TMCC1: variants seen among roughly 807,000 people sequenced by gnomAD.
TMCC1 encodes the protein transmembrane and coiled-coil domains protein 1.
In TMCC1, 15 loss-of-function variants were observed where a neutral mutation model predicts 52.4. The ratio of observed to expected loss-of-function variants is 0.29; its 90% CI spans 0.19 to 0.44. The LOEUF (loss-of-function observed/expected upper bound fraction) is 0.44. TMCC1 is among the 20% of genes least tolerant of loss of function. The probability of loss-of-function intolerance (pLI) is 1.00; values close to 1 mark genes in which losing one functional copy is unlikely to be tolerated. For synonymous variants in TMCC1, 279 were observed against 301.9 expected (o/e 0.92, Z 0.79); for missense variants, 503 against 806.0 (o/e 0.62, Z 4.55).
chr3:129,711,162 C>T (rs944528276), intron 4 of TMCC1, among the ~76,000 whole-genome samples: 11 of 152,198 alleles, frequency 7.2e-5, no homozygotes, highest in Admixed American at 7.2e-4. Flanking sequence ...CTGCACCAAG[C>T]CATGTTCAAT....
At chr3:129,709,497 A>AAAAAAG (rs554837910) in intron 4 of TMCC1, among the ~76,000 whole-genome samples, 3 of 64,032 alleles carry the variant, frequency 4.7e-5, no homozygotes, top group South Asian at 7.6e-4. Flanking sequence ...AAAAAAAAAA[A>AAAAAAG]AGAGAGAGAG....
At chr3:129,799,287 T>C (rs1005766735) in intron 4 of TMCC1, among the ~76,000 whole-genome samples, 3 of 152,286 alleles carry the variant, frequency 2.0e-5, no homozygotes, top group Admixed American at 6.5e-5. Context: ...ACTTGTATCA[T>C]GCGTTACCTG....
At chr3:129,775,704 AT>A in intron 4 of TMCC1, among the ~76,000 whole-genome samples, 1 of 152,314 alleles carries the variant, frequency 6.6e-6, no homozygotes, top group South Asian at 2.1e-4. Flanking sequence ...CATTCAATCC[AT>A]TACCAAATCC....
At position 129,651,681 on chromosome 3, in the gene TMCC1, T is replaced by G; in HGVS notation, c.1762A>C (p.Lys588Gln). 1 of 1,614,234 alleles carries G rather than the reference T, an allele frequency of 6.2e-7. No individual in the cohort carries two copies. The highest frequency in any genetic ancestry group is 8.5e-7 in the Non-Finnish European group (1 of 1,180,034). ...ACAGCCAGGAGGATGTTGATGAGTT[T>G]GCCCAGAAGGTTCCGGGCAGTGGCA... Reference protein sequence around the residue: ...ENATARNLLGKLINILLAVMA... With the variant: ...ENATARNLLGQLINILLAVMA... The change falls in exon 7 of 7, where the codon AAA becomes CAA. Residue 588 changes from lysine to glutamine, a missense_variant. By Grantham distance (53) the Lys-to-Gln change is moderately conservative. Transcript: ENST00000393238. This position sits in a 1 kb window ranked among gnomAD's most constrained non-coding sequence, Gnocchi z 5.1.
intron 4 of TMCC1, among the ~76,000 whole-genome samples, chr3:129,678,641 T>A (rs902905710): frequency 2.0e-5 from 3 of 152,164 alleles, no homozygotes; most frequent in African/African-American, 7.2e-5. Flanking sequence ...ATTACAGGTG[T>A]GAGCCACCGT....
chr3:129,751,364 T>TA (rs1262529160), intron 4 of TMCC1, among the ~76,000 whole-genome samples: 1 of 151,856 alleles, frequency 6.6e-6, no homozygotes, highest in Middle Eastern at 3.4e-3. Flanking sequence ...ACCTCATCTC[T>TA]AAAAAAAATT....
intron 4 of TMCC1, among the ~76,000 whole-genome samples, chr3:129,694,893 C>G (rs539541616): frequency 6.6e-6 from 1 of 151,662 alleles, no homozygotes; most frequent in Admixed American, 6.6e-5. Flanking sequence ...ATTTCTTGTG[C>G]GAGATCCAAG....
intron 4 of TMCC1, among the ~76,000 whole-genome samples, chr3:129,815,168 A>AT (rs766460551): frequency 6.6e-6 from 1 of 152,170 alleles, no homozygotes; most frequent in Non-Finnish European, 1.5e-5. Context: ...AATCTCAACG[A>AT]TTAAAAAAAA....
At chr3:129,753,777 G>C (rs2052743002) in intron 4 of TMCC1, among the ~76,000 whole-genome samples, 1 of 152,086 alleles carries the variant, frequency 6.6e-6, no homozygotes, top group African/African-American at 2.4e-5. Flanking sequence ...TTTCCCTTGA[G>C]ATCTGGAACA....
At chr3:129,871,966 G>A (rs1055076842) in intron 2 of TMCC1, among the ~76,000 whole-genome samples, 5 of 152,156 alleles carry the variant, frequency 3.3e-5, no homozygotes, top group Admixed American at 6.5e-5. Flanking sequence ...CATCTAAGTT[G>A]TAAAGATAAT....
chr3:129,789,702 G>C (rs7625799), intron 4 of TMCC1, among the ~76,000 whole-genome samples: 1 of 151,846 alleles, frequency 6.6e-6, no homozygotes, highest in South Asian at 2.1e-4. Context: ...GGATGGTCTC[G>C]ATCTCCTGAC....
At chr3:129,766,013 G>A (rs1420978154) in intron 4 of TMCC1, among the ~76,000 whole-genome samples, 1 of 152,070 alleles carries the variant, frequency 6.6e-6, no homozygotes, top group African/African-American at 2.4e-5. Context: ...ATTTGTTTGG[G>A]ACTGTGTTCT....
At chr3:129,818,857 T>C (rs1475843726) in intron 4 of TMCC1, 1 of 152,396 alleles carries the variant, frequency 6.6e-6, no homozygotes, top group Admixed American at 6.6e-5. Context: ...CTGAAGCACA[T>C]GGTATCAGTG....
intron 4 of TMCC1, among the ~76,000 whole-genome samples, chr3:129,780,018 A>C (rs1560402367): frequency 6.6e-6 from 1 of 152,124 alleles, no homozygotes; most frequent in Non-Finnish European, 1.5e-5. Context: ...TCCCATTACA[A>C]GCCATTCTGA....
intron 4 of TMCC1, among the ~76,000 whole-genome samples, chr3:129,684,153 T>C (rs2089228265): frequency 6.6e-6 from 1 of 152,246 alleles, no homozygotes; most frequent in African/African-American, 2.4e-5. Flanking sequence ...GAGACTTGTC[T>C]AGTTGTTCCA....
chr3:129,823,613 A>G (rs981209969), intron 4 of TMCC1, among the ~76,000 whole-genome samples: 5 of 152,136 alleles, frequency 3.3e-5, no homozygotes, highest in Admixed American at 2.6e-4. Flanking sequence ...AAAATGCTGT[A>G]CTGAGATCCC....
At chr3:129,663,293 C>T (rs998331869) in intron 5 of TMCC1, among the ~76,000 whole-genome samples, 3 of 152,126 alleles carry the variant, frequency 2.0e-5, no homozygotes, top group South Asian at 2.1e-4. Flanking sequence ...CACAGGATAG[C>T]TGAAGAAACT....
intron 4 of TMCC1, among the ~76,000 whole-genome samples, chr3:129,798,149 C>A (rs1386373562): frequency 1.3e-5 from 2 of 152,072 alleles, no homozygotes; most frequent in Admixed American, 6.5e-5. Flanking sequence ...GCGCCTGCCA[C>A]CATGCCCGGC....
intron 4 of TMCC1, among the ~76,000 whole-genome samples, chr3:129,722,131 C>A (rs1469326214): frequency 6.6e-6 from 1 of 152,122 alleles, no homozygotes; most frequent in African/African-American, 2.4e-5. Flanking sequence ...CAGGGATCCC[C>A]AACCCCTGGG....
Sources: allele counts gnomAD v4.1 joint callset (sites outside exome capture counted in the v4.1 genomes callset), GRCh38; gene constraint gnomAD v4.1.1; non-coding constraint Gnocchi (gnomAD v3.1); transcripts MANE v1.5; gene names NCBI Gene and HGNC (gene_info 2026-07-23, HGNC 2026-07-21).